KCNA7: variants seen among roughly 807,000 people sequenced by gnomAD.
KCNA7 encodes potassium channel, voltage gated shaker related subfamily A, member 7.
Under a neutral mutation model 21.5 loss-of-function variants are expected in KCNA7, and 15 were observed. The observed-to-expected ratio is 0.70, with a 90% confidence interval of 0.47 to 1.07. The LOEUF (loss-of-function observed/expected upper bound fraction) is 1.07, where lower values mean the gene tolerates loss of function less well. Ranked by LOEUF, KCNA7 falls within the 50% of genes least tolerant of loss-of-function variation. KCNA7 has a pLI of 0.00. For missense variants in KCNA7, 640 were observed against 651.6 expected (o/e 0.98, Z 0.19); for synonymous variants, 298 against 291.0 (o/e 1.02, Z -0.24).
In KCNA7 at chr19:49,072,355, C is replaced by A; in HGVS notation, c.231G>T (p.Arg77=). ...AVLYYYQSGG[R]LRRPAHVPLD... ...GCGGCACGTGCGCCGGCCGCCGCAG[C>A]CGCCCACCGGACTGGTAGTAGTAGA... The change falls in exon 1 of 2, where the codon CGG becomes CGT. Residue 77 remains arginine (R), a synonymous_variant. Coordinates refer to ENST00000221444, the MANE Select transcript of KCNA7 (RefSeq NM_031886.3). 6.3e-7 allele frequency: 1 copy of A among 1,595,356 alleles called. No homozygotes were observed. The highest frequency in any genetic ancestry group is 1.1e-5 in the South Asian group (1 of 89,628).
At chr19:49,071,217 C>G (rs927272029) in intron 1 of KCNA7, among the ~76,000 whole-genome samples, 33 of 152,106 alleles carry the variant, frequency 2.2e-4, no homozygotes, top group Non-Finnish European at 3.8e-4. Flanking sequence ...TGCCCTGGCC[C>G]CACCACCTTG....
Position 49,070,503 on chromosome 19 carries a change from C to T in KCNA7, c.931G>A (p.Glu311Lys). ...AGGAAAAAGATGAGGAGGCCCAGCT[C>T]ACGCATGGAGGCCCGAAGCGTCTGG... ...LGQTLRASMR[E>K]LGLLIFFLFI... is the part of the protein sequence containing the mutation. The change falls in exon 2 of 2, where the codon GAG becomes AAG. Residue 311 changes from glutamate to lysine, a missense_variant. Coordinates refer to ENST00000221444, the MANE Select transcript of KCNA7 (RefSeq NM_031886.3). The surrounding 1 kb of genome is among the most constrained non-coding windows in gnomAD (Gnocchi z 4.3). 1 of 1,614,172 alleles carries T rather than the reference C, an allele frequency of 6.2e-7. No homozygotes were observed. The highest frequency in any genetic ancestry group is 8.5e-7 in the Non-Finnish European group (1 of 1,180,032).
rs767780428 is a variant in KCNA7, at chr19:49,070,442, T to G, written c.992A>C (p.Tyr331Ser). 1 of 1,613,856 alleles carries G rather than the reference T, an allele frequency of 6.2e-7. No homozygotes were observed. The highest frequency in any genetic ancestry group is 8.5e-7 in the Non-Finnish European group (1 of 1,180,020). Residue 331 changes from tyrosine to serine, a missense_variant, in exon 2 of 2, where the codon TAC becomes TCC. Transcript: ENST00000221444. This position sits in a 1 kb window ranked among gnomAD's most constrained non-coding sequence, Gnocchi z 4.3. ...GTCCACCCGGTCAACTTCGGCAAAG[T>G]AGACGGCGCTGGAAAAGAGGACCAC... is the stretch of plus-strand genomic sequence containing the variant. ...IGVVLFSSAVYFAEVDRVDSH... is the reference protein window; with the variant it reads ...IGVVLFSSAVSFAEVDRVDSH...
rs1457488145 is a variant in KCNA7, at chr19:49,070,126, C to T, written c.1308G>A (p.Glu436=). 1 of 1,613,608 alleles carries T rather than the reference C, an allele frequency of 6.2e-7. No individual in the cohort carries two copies. Among genetic ancestry groups the T allele is most frequent in the African/African-American group, 1.3e-5 (1 of 74,942 alleles). ...AGAGTGGAGGTGGTAGCTCAGGTAC[C>T]TCCCCGTCCACCAGCCCCCCATTGG... The part of the protein sequence containing the change: ...GKANGGLVDG[E]VPELPPPLWA... Residue 436 remains glutamate, a synonymous_variant, in exon 2 of 2, where the codon GAG becomes GAA. Coordinates refer to ENST00000221444, the MANE Select transcript of KCNA7 (RefSeq NM_031886.3). The surrounding 1 kb of genome is among the most constrained non-coding windows in gnomAD (Gnocchi z 4.3).
At position 49,072,067 on chromosome 19, in the gene KCNA7, G is replaced by A; in HGVS notation, c.519C>T (p.Asp173=). The A allele has an allele frequency of 1.2e-6, 2 of 1,609,354 alleles. No individual in the cohort carries two copies. Among genetic ancestry groups the A allele is most frequent in the South Asian group, 1.1e-5 (1 of 90,830 alleles). Residue 173 remains aspartate, a synonymous_variant, in exon 1 of 2, where the codon GAC becomes GAT. Coordinates refer to ENST00000221444, the MANE Select transcript of KCNA7 (RefSeq NM_031886.3). ...CGGCTGCAGCAGCAAGCCCCGTGCC[G>A]TCGCGGTCGTCGCGGAAGTCAGGCA... ...ETLPDFRDDR[D]GTGLAAAAAA...
chr19:49,071,932 G>C, intron 1 of KCNA7, 99 bp downstream of exon 1: 35 of 435,916 alleles, frequency 8.0e-5, no homozygotes, highest in South Asian at 4.9e-4. Context: ...CCCACCCCTC[G>C]CAGCCCCTGG....
In KCNA7 at chr19:49,072,035, C is replaced by A. The variant is rs1396319495; in HGVS notation, c.551G>T (p.Gly184Val). The A allele has an allele frequency of 6.3e-7, 1 of 1,596,926 alleles. No homozygotes were observed. The highest frequency in any genetic ancestry group is 1.7e-5 in the Admixed American group (1 of 58,518). Residue 184 changes from glycine to valine, a missense_variant, in exon 1 of 2, where the codon GGC becomes GTC. Physicochemically the swap from Gly to Val is moderately radical, Grantham distance 109. Transcript: ENST00000221444. ...CACCCACGCCCCGCCTCTCACCGGG[C>A]CGGCTGCGGCTGCAGCAGCAAGCCC... is the stretch of plus-strand genomic sequence containing the variant. ...GTGLAAAAAA[G>V]PFPAPLNGSS...
intron 1 of KCNA7, 103 bp downstream of exon 1, chr19:49,071,928 C>T (rs921776492): frequency 1.5e-5 from 17 of 1,170,378 alleles, no homozygotes; most frequent in Middle Eastern, 2.8e-4. Flanking sequence ...CTGGCCCACC[C>T]CTCGCAGCCC....
At position 49,072,493 on chromosome 19, in the gene KCNA7, C is replaced by T; in HGVS notation, c.93G>A (p.Leu31=). The part of the protein sequence containing the change: ...GLRFETRART[L]GRFPDTLLGD... ...CTAGCAGAGTGTCCGGGAAGCGGCC[C>T]AGCGTGCGCGCCCGCGTCTCGAAGC... The change falls in exon 1 of 2, where the codon CTG becomes CTA. Residue 31 remains leucine (L), a synonymous_variant. Coordinates refer to ENST00000221444, the MANE Select transcript of KCNA7 (RefSeq NM_031886.3). 1 of 1,511,820 alleles carries T rather than the reference C, an allele frequency of 6.6e-7. No homozygotes were observed. Among genetic ancestry groups the T allele is most frequent in the Non-Finnish European group, 8.8e-7 (1 of 1,141,798 alleles). The allele number at this position is 1,511,820 out of a possible 1,614,324, so 93.7% of individuals were successfully genotyped here.
rs11667411 is a variant in KCNA7 at position 49,070,990 on chromosome 19, G to A, written c.556-112C>T. ...CTTTACACATTGGTCAGTAGCCGCT[G>A]CGCCAAGGCCCTCCGTGACCTGGTT... On this transcript the variant is annotated intron_variant, in intron 1 of 1. Transcript: ENST00000221444. This position sits in a 1 kb window ranked among gnomAD's most constrained non-coding sequence, Gnocchi z 4.3. 0.1 allele frequency: 89,913 copies of A among 873,712 alleles called. 5,731 individuals are homozygous for A. The highest frequency in any genetic ancestry group is 0.25 in the African/African-American group (14,811 of 58,566). The allele number at this position is 873,712 out of a possible 1,614,324, so 54.1% of individuals were successfully genotyped here.
At position 49,072,407 on chromosome 19, in the gene KCNA7, C is replaced by G. The variant is rs1409320605; in HGVS notation, c.179G>C (p.Arg60Pro). The part of the protein sequence containing the change: ...DDARREYFFD[R>P]HRPSFDAVLY... ...CACGGCGTCGAAGCTGGGCCGGTGC[C>G]GGTCGAAGAAATACTCGCGGCGCGC... The change falls in exon 1 of 2, where the codon CGG becomes CCG. Residue 60 changes from arginine (R) to proline (P), a missense_variant. By Grantham distance (103) the Arg-to-Pro change is moderately radical (BLOSUM62 -2). Transcript: ENST00000221444. The G allele has an allele frequency of 6.3e-7, 1 of 1,583,274 alleles. No homozygotes were observed.
Position 49,072,294 on chromosome 19 carries a change from G to T in KCNA7, c.292C>A (p.Leu98Met). The part of the protein sequence containing the change: ...VFLEEVAFYG[L>M]GAAALARLRE... Reference sequence around the variant, plus strand: ...AGGCGTGCCAGGGCCGCCGCGCCCAGCCCGTAGAAGGCCACCTCTTCCAGG... The same window carrying T: ...AGGCGTGCCAGGGCCGCCGCGCCCATCCCGTAGAAGGCCACCTCTTCCAGG... Residue 98 changes from leucine (L) to methionine (M), a missense_variant, in exon 1 of 2, where the codon CTG becomes ATG. Transcript: ENST00000221444. The T allele has an allele frequency of 6.3e-7, 1 of 1,584,686 alleles. No individual in the cohort carries two copies. Among genetic ancestry groups the T allele is most frequent in the Non-Finnish European group, 8.5e-7 (1 of 1,170,128 alleles).
At position 49,068,715 on chromosome 19, in the gene KCNA7, C is replaced by T. The variant is rs1380438528; in HGVS notation, c.*1348G>A. 1 of 152,400 alleles carries T rather than the reference C, an allele frequency of 6.6e-6. No homozygotes were observed. Among genetic ancestry groups the T allele is most frequent in the African/African-American group, 2.4e-5 (1 of 41,446 alleles). 9.4% of individuals were successfully genotyped at this position (152,400 alleles called of 1,614,324 possible). A position where few individuals can be genotyped will look rare whatever the true frequency, so the allele number is the denominator to read the frequency against. ...CCTCCAGGTCATTGTCTCCCTCTCC[C>T]TGAGTCTCTGTTTCTCTCCCTTTGG... On this transcript the variant is annotated 3_prime_UTR_variant, in exon 2 of 2. Coordinates refer to ENST00000221444, the MANE Select transcript of KCNA7 (RefSeq NM_031886.3).
intron 1 of KCNA7, 101 bp downstream of exon 1, chr19:49,071,930 T>G: frequency 3.1e-5 from 6 of 195,620 alleles, no homozygotes; most frequent in East Asian, 2.1e-4. Flanking sequence ...GGCCCACCCC[T>G]CGCAGCCCCT....
rs761166864 is a variant in KCNA7 at position 49,070,045 on chromosome 19, G to C, written c.*18C>G. The C allele has an allele frequency of 6.4e-7, 1 of 1,565,606 alleles. No individual in the cohort carries two copies. Among genetic ancestry groups the C allele is most frequent in the Non-Finnish European group, 8.7e-7 (1 of 1,146,438 alleles). On this transcript the variant is annotated 3_prime_UTR_variant, in exon 2 of 2. Coordinates refer to ENST00000221444, the MANE Select transcript of KCNA7 (RefSeq NM_031886.3). This position sits in a 1 kb window ranked among gnomAD's most constrained non-coding sequence, Gnocchi z 4.3. ...TCCCTCTAGGGAGGTGTGAGGTCCT[G>C]CAGACCTCAACTGTTCCTCACACTT...
In KCNA7 at chr19:49,070,169, C is replaced by T; in HGVS notation, c.1265G>A (p.Gly422Asp). The stretch of plus-strand genomic sequence containing the variant: ...CCCATTGGCCTTGCCCTCCAGTGGG[C>T]CACAAGGCTGCATGTCCACATGGCT... The part of the protein sequence containing the change: ...MFSHVDMQPC[G>D]PLEGKANGGL... The change falls in exon 2 of 2, where the codon GGC becomes GAC. Residue 422 changes from glycine (G) to aspartate (D), a missense_variant. Coordinates refer to ENST00000221444, the MANE Select transcript of KCNA7 (RefSeq NM_031886.3). The surrounding 1 kb of genome is among the most constrained non-coding windows in gnomAD (Gnocchi z 4.3). 1 of 1,614,152 alleles carries T rather than the reference C, an allele frequency of 6.2e-7. No individual in the cohort carries two copies. The highest frequency in any genetic ancestry group is 8.5e-7 in the Non-Finnish European group (1 of 1,179,998).
rs1363683235 is a variant in KCNA7, at chr19:49,067,544, A to G, written c.*2519T>C. 6.6e-6 allele frequency: 1 copy of G among 152,208 alleles called. No homozygotes were observed. The highest frequency in any genetic ancestry group is 1.5e-5 in the Non-Finnish European group (1 of 68,044). 9.4% of individuals were successfully genotyped at this position (152,208 alleles called of 1,614,324 possible). On this transcript the variant is annotated 3_prime_UTR_variant, in exon 2 of 2. Transcript: ENST00000221444. ...ATTTCTGAAAATGTTCGGCCTTGTG[A>G]CCTTGGGTAACACCTGCTGCTCTGA...
Position 49,069,213 on chromosome 19 carries a change from T to C in KCNA7, c.*850A>G, listed in dbSNP as rs2040239250. On this transcript the variant is annotated 3_prime_UTR_variant, in exon 2 of 2. Coordinates refer to ENST00000221444, the MANE Select transcript of KCNA7 (RefSeq NM_031886.3). ...CACAGTCCAACTCAACCCAACTTCC[T>C]GTAGGACTCACATAGTGACACAACT... The C allele has an allele frequency of 6.6e-6, 1 of 152,236 alleles. No homozygotes were observed. The highest frequency in any genetic ancestry group is 6.5e-5 in the Admixed American group (1 of 15,278). The allele number at this position is 152,236 out of a possible 1,614,324, so 9.4% of individuals were successfully genotyped here.
chr19:49,072,315 C>T lies in KCNA7; in HGVS notation c.271G>A (p.Glu91Lys). The T allele has an allele frequency of 6.3e-7, 1 of 1,589,358 alleles. No individual in the cohort carries two copies. Among genetic ancestry groups the T allele is most frequent in the Non-Finnish European group, 8.5e-7 (1 of 1,172,434 alleles). ...CCCAGCCCGTAGAAGGCCACCTCTT[C>T]CAGGAAGACGTCGAGCGGCACGTGC... ...PAHVPLDVFL[E>K]EVAFYGLGAA... is the part of the protein sequence containing the mutation. The change falls in exon 1 of 2, where the codon GAA becomes AAA. Residue 91 changes from glutamate (E) to lysine (K), a missense_variant. By Grantham distance (56) the Glu-to-Lys change is moderately conservative. Coordinates refer to ENST00000221444, the MANE Select transcript of KCNA7 (RefSeq NM_031886.3).
Sources: gnomAD v4.1 joint callset for allele counts (sites outside exome capture counted in the v4.1 genomes callset) on GRCh38, gnomAD v4.1.1 for gene constraint, Gnocchi (gnomAD v3.1) non-coding constraint, MANE v1.5 for transcripts, NCBI Gene and HGNC (gene_info 2026-07-23, HGNC 2026-07-21) for gene names.